Variants in CMSS1 observed in about 807,000 individuals in gnomAD.
The protein encoded by CMSS1 is cms1 ribosomal small subunit homolog.
CMSS1 carries 33 observed loss-of-function variants against 43.5 expected under a neutral mutation model. The ratio of observed to expected loss-of-function variants is 0.76; its 90% CI spans 0.57 to 1.01. CMSS1 has a LOEUF of 1.01. Ranked by LOEUF, CMSS1 falls within the 50% of genes least tolerant of loss-of-function variation. CMSS1 has a pLI of 0.00. For missense variants in CMSS1, 313 were observed against 326.4 expected (o/e 0.96, Z 0.32); for synonymous variants, 115 against 117.2 (o/e 0.98, Z 0.12).
intron 1 of CMSS1, among the ~76,000 whole-genome samples, chr3:100,063,695 G>A (rs745714555): frequency 3.3e-5 from 5 of 151,904 alleles, no homozygotes; most frequent in Non-Finnish European, 5.9e-5. Flanking sequence ...AGTGAGTTGT[G>A]TGTGTTGGGT....
Position 99,864,665 on chromosome 3 carries a change from C to T in CMSS1, c.64+46622C>T, listed in dbSNP as rs565762438. On this transcript the variant is annotated intron_variant, in intron 1 of 9. Transcript: ENST00000421999. ...CATGCTTTCTGCTCCACCCACTTGG[C>T]TCCCTGACCCCTTCTACTGTTCTCC... Among the ~76,000 whole-genome samples, 137 of 152,170 alleles carry T rather than the reference C, an allele frequency of 9.0e-4. No homozygotes were observed. The Middle Eastern group carries it at 0.017, about 19-fold the overall frequency.
chr3:100,018,333 G>GA (rs1172350071), intron 1 of CMSS1, among the ~76,000 whole-genome samples: 1 of 151,752 alleles, frequency 6.6e-6, no homozygotes, highest in African/African-American at 2.4e-5. Flanking sequence ...TCTCCAAACA[G>GA]AAAAAAAGAA....
chr3:99,836,556 C>T (rs1427171936), intron 1 of CMSS1, among the ~76,000 whole-genome samples: 1 of 152,122 alleles, frequency 6.6e-6, no homozygotes, highest in Non-Finnish European at 1.5e-5. Context: ...CACTCAACTG[C>T]CGCTCTTTTC....
chr3:99,820,982 T>C (rs377199286), intron 1 of CMSS1, among the ~76,000 whole-genome samples: 20 of 152,344 alleles, frequency 1.3e-4, no homozygotes, highest in African/African-American at 4.8e-4. Context: ...TTGACATCCA[T>C]GGTAGCAAGG....
At chr3:100,080,622 A>T (rs1356798720) in intron 1 of CMSS1, among the ~76,000 whole-genome samples, 2 of 152,180 alleles carry the variant, frequency 1.3e-5, no homozygotes, top group Non-Finnish European at 2.9e-5. Context: ...TGAAGGAGTG[A>T]TGCCTTGTTC....
At chr3:99,875,864 T>C (rs191828091) in intron 1 of CMSS1, among the ~76,000 whole-genome samples, 2 of 152,342 alleles carry the variant, frequency 1.3e-5, no homozygotes, top group East Asian at 3.9e-4. Context: ...AAATCTCTAA[T>C]CTGTTTTCTC....
chr3:100,042,700 G>A (rs1274602562), intron 1 of CMSS1, among the ~76,000 whole-genome samples: 1 of 152,178 alleles, frequency 6.6e-6, no homozygotes, highest in African/African-American at 2.4e-5. Context: ...ATAGAGAACA[G>A]GTTTTTTTTC....
chr3:100,068,785 G>T (rs927311585), intron 1 of CMSS1, among the ~76,000 whole-genome samples: 2 of 152,086 alleles, frequency 1.3e-5, no homozygotes, highest in Admixed American at 1.3e-4. Flanking sequence ...CCACCACCAT[G>T]CCCAGCTAAT....
chr3:99,898,121 GC>G (rs1706318690), intron 1 of CMSS1: 1 of 152,052 alleles, frequency 6.6e-6, no homozygotes, highest in Non-Finnish European at 1.5e-5. Flanking sequence ...TCAAAAGCAG[GC>G]AGGCTTGGTT....
At chr3:100,133,912 G>A (rs1357638843) in intron 1 of CMSS1, among the ~76,000 whole-genome samples, 1 of 152,204 alleles carries the variant, frequency 6.6e-6, no homozygotes, top group Non-Finnish European at 1.5e-5. Flanking sequence ...CAGGGTAGGT[G>A]AGCATTATAC....
Position 100,179,996 on chromosome 3 carries a change from C to G in CMSS1, c.*1608C>G, listed in dbSNP as rs979206822. 2 of 152,314 alleles carry G rather than the reference C, an allele frequency of 1.3e-5. No homozygotes were observed. Among genetic ancestry groups the G allele is most frequent in the African/African-American group, 4.8e-5 (2 of 41,476 alleles). 9.4% of individuals were successfully genotyped at this position (152,314 alleles called of 1,614,324 possible). A position where few individuals can be genotyped will look rare whatever the true frequency, so the allele number is the denominator to read the frequency against. On this transcript the variant is annotated 3_prime_UTR_variant, in exon 10 of 10. Coordinates refer to ENST00000421999, the MANE Select transcript of CMSS1 (RefSeq NM_032359.4). ...TAAGCCCAACAGCACGTGGAAGCTG[C>G]CAAGGCTTGGGGCTTGCACCCTCTG... is the stretch of plus-strand genomic sequence containing the variant.
intron 1 of CMSS1, among the ~76,000 whole-genome samples, chr3:100,066,770 A>G (rs1344776583): frequency 1.1e-5 from 1 of 94,538 alleles, no homozygotes; most frequent in Non-Finnish European, 2.5e-5. Flanking sequence ...TGACCTCGTG[A>G]TCCGCCCGCC....
chr3:99,846,348 A>G (rs1457779085), intron 1 of CMSS1, among the ~76,000 whole-genome samples: 1 of 152,234 alleles, frequency 6.6e-6, no homozygotes, highest in Non-Finnish European at 1.5e-5. Flanking sequence ...TTTTATGATC[A>G]GTTGATCGAT....
At chr3:99,882,842 A>G (rs1220023962) in intron 1 of CMSS1, among the ~76,000 whole-genome samples, 1 of 152,226 alleles carries the variant, frequency 6.6e-6, no homozygotes, top group Non-Finnish European at 1.5e-5. Flanking sequence ...TGGATTAGAA[A>G]TGTTTTCTTT....
At chr3:100,173,043 CT>C (rs938537819) in intron 8 of CMSS1, among the ~76,000 whole-genome samples, 6 of 151,254 alleles carry the variant, frequency 4.0e-5, no homozygotes, top group African/African-American at 7.3e-5. Context: ...TATAATAGAG[CT>C]TTTTTTTTAA....
At chr3:99,972,542 TCTG>T (rs1708854799) in intron 1 of CMSS1, among the ~76,000 whole-genome samples, 1 of 152,204 alleles carries the variant, frequency 6.6e-6, no homozygotes, top group African/African-American at 2.4e-5. Context: ...TCTAGTGCTG[TCTG>T]CTGCTGGGCA....
intron 1 of CMSS1, among the ~76,000 whole-genome samples, chr3:99,908,678 C>T (rs1180253922): frequency 1.3e-5 from 2 of 152,100 alleles, no homozygotes; most frequent in Admixed American, 1.3e-4. Context: ...AATAATATTA[C>T]CTCCTTTAAA....
At chr3:100,164,848 G>C (rs549308295) in intron 4 of CMSS1, among the ~76,000 whole-genome samples, 44 of 152,234 alleles carry the variant, frequency 2.9e-4, no homozygotes, top group African/African-American at 1.1e-3. Context: ...TTTGATTTGA[G>C]GTTGTTTGTG....
At position 100,176,228 on chromosome 3, in the gene CMSS1, A is replaced by T. The variant is rs772027380; in HGVS notation, c.668-99A>T. On this transcript the variant is annotated intron_variant, in intron 8 of 9. Coordinates refer to ENST00000421999, the MANE Select transcript of CMSS1 (RefSeq NM_032359.4). ...AGATTAGTTACTGGGGGAGAGGACA[A>T]CATATGAGACAAAAAGTAACCCGGA... 4.7e-4 allele frequency: 369 copies of T among 780,958 alleles called. 1 individual carries two copies. Among genetic ancestry groups the T allele is most frequent in the Non-Finnish European group, 8.8e-5 (41 of 464,540 alleles). The allele number at this position is 780,958 out of a possible 1,614,324, so 48.4% of individuals were successfully genotyped here.
Sources: gnomAD v4.1 joint callset for allele counts (sites outside exome capture counted in the v4.1 genomes callset) on GRCh38, gnomAD v4.1.1 for gene constraint, MANE v1.5 for transcripts, NCBI Gene and HGNC (gene_info 2026-07-23, HGNC 2026-07-21) for gene names.